The following NT5DC3 variants were observed in gnomAD, a reference collection of about 807,000 sequenced individuals.
NT5DC3 encodes 5'-nucleotidase domain containing 3.
Under a neutral mutation model 67.8 loss-of-function variants are expected in NT5DC3, and 42 were observed. That is an observed-to-expected ratio of 0.62 (90% CI 0.48 to 0.80). The LOEUF (loss-of-function observed/expected upper bound fraction) is 0.80. Ranked by LOEUF, NT5DC3 falls within the 30% of genes least tolerant of loss-of-function variation. The probability of loss-of-function intolerance (pLI) is 0.00; values close to 1 mark genes in which losing one functional copy is unlikely to be tolerated. For missense variants in NT5DC3, 570 were observed against 696.4 expected, an observed-to-expected ratio of 0.82 and a Z score of 2.04; for synonymous variants, 237 against 255.6, an observed-to-expected ratio of 0.93 and a Z score of 0.69.
intron 13 of NT5DC3, among the ~76,000 whole-genome samples, chr12:103,779,001 C>T (rs17034527): frequency 0.018 from 2,669 of 152,234 alleles, 90 homozygotes; most frequent in East Asian, 0.17. Context: ...ATACGGAATG[C>T]TCTCAGGAGG....
intron 2 of NT5DC3, 85 bp downstream of exon 2, chr12:103,814,850 CTG>C: frequency 1.1e-6 from 1 of 904,734 alleles, no homozygotes; most frequent in Non-Finnish European, 1.6e-6. Context: ...AATGACTTCT[CTG>C]TGGCAGACTT....
chr12:103,826,945 A>AGGCAT (rs749661038), intron 1 of NT5DC3, among the ~76,000 whole-genome samples: 2 of 152,226 alleles, frequency 1.3e-5, no homozygotes, highest in Non-Finnish European at 2.9e-5. Flanking sequence ...ATTTTAAATG[A>AGGCAT]ATCAATAAAT....
the NT5DC3 span, among the ~76,000 whole-genome samples, chr12:103,750,286 A>G: frequency 9.8e-5 from 15 of 152,362 alleles, no homozygotes; most frequent in East Asian, 2.7e-3. Flanking sequence ...GAGCCCTGTG[A>G]AGAACATAAA....
the NT5DC3 span, chr12:103,755,091 A>T: frequency 8.5e-6 from 5 of 591,536 alleles, no homozygotes; most frequent in Non-Finnish European, 1.5e-5. Context: ...CTGGGCACCT[A>T]CAAGAAAGAG....
At chr12:103,826,293 T>C (rs79928071) in intron 1 of NT5DC3, among the ~76,000 whole-genome samples, 15,445 of 152,242 alleles carry the variant, frequency 0.1, 1,126 homozygotes, top group East Asian at 0.29. Flanking sequence ...GAATATGTTA[T>C]CTTACATGGC....
the NT5DC3 span, among the ~76,000 whole-genome samples, chr12:103,757,030 T>TATATAA: frequency 2.1e-5 from 3 of 143,070 alleles, no homozygotes; most frequent in East Asian, 2.0e-4. Context: ...TATATATATA[T>TATATAA]AAAATATATA....
At chr12:103,771,325 C>A (rs1026539928), downstream of NT5DC3, 4 of 152,332 alleles carry the variant, frequency 2.6e-5, no homozygotes, top group East Asian at 7.7e-4. Flanking sequence ...CATATAGCTG[C>A]ATTCCTGGAA....
rs746913835 is a variant in NT5DC3, at chr12:103,778,022, T to TTCTGC, written c.1453_1454insGCAGA (p.Asn485SerfsTer8). ...CAGGCGCCTTAGGAAGTAGGTTGGG[T>TTCTGC]TCTGGTCTGTGCGGAACAGGCTTCC... On this transcript the variant is annotated frameshift_variant, in exon 14 of 14. Transcript: ENST00000392876. LOFTEE classifies it high-confidence loss of function. 27 of 1,614,076 alleles carry TTCTGC rather than the reference T, an allele frequency of 1.7e-5. No homozygotes were observed. Among genetic ancestry groups the TTCTGC allele is most frequent in the Non-Finnish European group, 2.1e-5 (25 of 1,180,044 alleles).
At chr12:103,801,614 C>CTCG (rs1490641674) in intron 4 of NT5DC3, among the ~76,000 whole-genome samples, 1 of 152,002 alleles carries the variant, frequency 6.6e-6, no homozygotes, top group African/African-American at 2.4e-5. Flanking sequence ...ATCTCCTGAC[C>CTCG]TCGTGATCTA....
chr12:103,779,021 C>A (rs1011040176), intron 13 of NT5DC3, among the ~76,000 whole-genome samples: 1 of 152,186 alleles, frequency 6.6e-6, no homozygotes, highest in Non-Finnish European at 1.5e-5. Flanking sequence ...GCTCCACTTC[C>A]CTTACCGAAA....
At chr12:103,827,999 A>G (rs1201093176) in intron 1 of NT5DC3, among the ~76,000 whole-genome samples, 1 of 152,250 alleles carries the variant, frequency 6.6e-6, no homozygotes, top group Non-Finnish European at 1.5e-5. Context: ...AGGAAGAGCC[A>G]GTTGCTTCCC....
chr12:103,823,527 T>C (rs537412823), intron 1 of NT5DC3, among the ~76,000 whole-genome samples: 54 of 152,266 alleles, frequency 3.5e-4, no homozygotes, highest in African/African-American at 1.3e-3. Flanking sequence ...TTTCTGGGTG[T>C]TTTTTAATTT....
intron 9 of NT5DC3, 74 bp from the exon 10 acceptor site, chr12:103,788,993 A>G: frequency 9.9e-7 from 1 of 1,008,700 alleles, no homozygotes; most frequent in South Asian, 1.3e-5. Context: ...CCAGTTATTC[A>G]CTATCACAGG....
intron 4 of NT5DC3, among the ~76,000 whole-genome samples, chr12:103,799,804 C>CAAAAAAAAAAAAAAAAAAAA (rs72379630): frequency 7.6e-6 from 1 of 131,494 alleles, no homozygotes; most frequent in Non-Finnish European, 1.6e-5. Flanking sequence ...CTCCACATAC[C>CAAAAAAAAAAAAAAAAAAAA]AAAAAAAAAA....
intron 12 of NT5DC3, among the ~76,000 whole-genome samples, chr12:103,782,726 T>C (rs924253963): frequency 6.6e-6 from 1 of 152,164 alleles, no homozygotes; most frequent in Non-Finnish European, 1.5e-5. Context: ...AAAATTTATA[T>C]ACTTCTATTT....
intron 5 of NT5DC3, among the ~76,000 whole-genome samples, chr12:103,798,267 G>A (rs1359628443): frequency 1.3e-5 from 2 of 152,202 alleles, no homozygotes; most frequent in African/African-American, 2.4e-5. Context: ...CCATTCGTCA[G>A]GGGAAGCAGT....
At chr12:103,814,865 G>C in intron 2 of NT5DC3, 72 bp downstream of exon 2, 1 of 1,112,082 alleles carries the variant, frequency 9.0e-7, no homozygotes, top group Non-Finnish European at 1.2e-6. Context: ...GCAGACTTGG[G>C]GTCATGTCAG....
chr12:103,763,646 G>C, the NT5DC3 span: 6 of 1,542,878 alleles, frequency 3.9e-6, no homozygotes, highest in Middle Eastern at 5.1e-4. Context: ...GGTTCCCTTG[G>C]GGTACAGGGG....
rs1442372322 is a variant in NT5DC3 at position 103,797,525 on chromosome 12, A to AGCTGATGTC, written c.616-503_616-495dup. Among the ~76,000 whole-genome samples, 3 of 151,990 alleles carry AGCTGATGTC rather than the reference A, an allele frequency of 2.0e-5. No individual in the cohort carries two copies. In the East Asian group the frequency reaches 5.8e-4, roughly 29 times the overall value. On this transcript the variant is annotated intron_variant, in intron 5 of 13. Coordinates refer to ENST00000392876, the MANE Select transcript of NT5DC3 (RefSeq NM_001031701.3). ...CCTTGTTCCTTATCATTCACAGCAG[A>AGCTGATGTC]GCTGATGTCTCACTCTAAGTATAAC...
Sources: allele counts gnomAD v4.1 joint callset (sites outside exome capture counted in the v4.1 genomes callset), GRCh38; gene constraint gnomAD v4.1.1; transcripts MANE v1.5; gene names NCBI Gene and HGNC (gene_info 2026-07-23, HGNC 2026-07-21).